The following MFSD6 variants were observed in gnomAD, a reference collection of about 807,000 sequenced individuals.
The protein encoded by MFSD6 is major facilitator superfamily domain containing 6.
In MFSD6, 26 loss-of-function variants were observed where a neutral mutation model predicts 56.3. The ratio of observed to expected loss-of-function variants is 0.46; its 90% CI spans 0.34 to 0.64. The LOEUF (loss-of-function observed/expected upper bound fraction) is 0.64. MFSD6 is among the 30% of genes least tolerant of loss of function. The pLI is 0.01. For synonymous variants in MFSD6, 331 were observed against 366.9 expected (o/e 0.90, Z 1.12); for missense variants, 750 against 986.2 (o/e 0.76, Z 3.21).
intron 4 of MFSD6, among the ~76,000 whole-genome samples, chr2:190,470,078 C>G (rs1053766699): frequency 2.0e-5 from 3 of 152,184 alleles, no homozygotes; most frequent in Non-Finnish European, 4.4e-5. Flanking sequence ...TTGATCCACA[C>G]CCTTGTGATT....
At chr2:190,427,753 CAG>C (rs1393632913) in intron 2 of MFSD6, among the ~76,000 whole-genome samples, 12 of 149,992 alleles carry the variant, frequency 8.0e-5, no homozygotes, top group African/African-American at 2.9e-4. Flanking sequence ...TTTTTTGAGA[CAG>C]AGTTTCACTC....
In MFSD6 at chr2:190,490,265, A is replaced by T. The variant is rs1689260580; in HGVS notation, c.1891+399A>T. 1.2e-5 allele frequency among the ~76,000 whole-genome samples: 1 copy of T among 84,072 alleles called. No homozygotes were observed. The highest frequency in any genetic ancestry group is 3.3e-5 in the Non-Finnish European group (1 of 30,478). 55.2% of individuals were successfully genotyped at this position (84,072 alleles called of 152,430 possible). A position where few individuals can be genotyped will look rare whatever the true frequency, so the allele number is the denominator to read the frequency against. On this transcript the variant is annotated intron_variant, in intron 6 of 7. Transcript: ENST00000392328. The surrounding 1 kb of genome is among the most constrained non-coding windows in gnomAD (Gnocchi z 4.5). ...CTCTATGACTTACCTTCATTTGTTA[A>T]AAAAAAAAAAAACAATGGCCGGGTG...
At position 190,471,419 on chromosome 2, in the gene MFSD6, G is replaced by A. The variant is rs919279145; in HGVS notation, c.1630+1564G>A. On this transcript the variant is annotated intron_variant, in intron 4 of 7. Transcript: ENST00000392328. This position sits in a 1 kb window ranked among gnomAD's most constrained non-coding sequence, Gnocchi z 4.7. Reference sequence around the variant, plus strand: ...ATACTGTGCTTTTCCAACAGTCTTAGCAAACGGCACACTAGGAGATTATAT... The same window carrying A: ...ATACTGTGCTTTTCCAACAGTCTTAACAAACGGCACACTAGGAGATTATAT... Among the ~76,000 whole-genome samples the A allele has an allele frequency of 2.6e-5, 4 of 152,192 alleles. No homozygotes were observed. The highest frequency in any genetic ancestry group is 2.4e-5 in the African/African-American group (1 of 41,432).
intron 4 of MFSD6, chr2:190,477,369 A>G (rs1176000924): frequency 1.0e-6 from 1 of 982,876 alleles, no homozygotes; most frequent in African/African-American, 1.7e-5. Context: ...AGACTCTATA[A>G]ATAAAGATTT....
chr2:190,473,823 C>A (rs1688106904), intron 4 of MFSD6, among the ~76,000 whole-genome samples: 1 of 152,198 alleles, frequency 6.6e-6, no homozygotes, highest in Non-Finnish European at 1.5e-5. Context: ...AAGTAAAGCA[C>A]TCCTCAGCAA....
rs1294190152 is a variant in MFSD6 at position 190,423,238 on chromosome 2, C to T, written c.-54+7825C>T. Among the ~76,000 whole-genome samples, 2 of 152,174 alleles carry T rather than the reference C, an allele frequency of 1.3e-5. No homozygotes were observed. Among genetic ancestry groups the T allele is most frequent in the African/African-American group, 4.8e-5 (2 of 41,434 alleles). ...AGATACAGAACATTTCTCTCTGTCG[C>T]CACCAAGGTCCCTCATGTTGCCCTT... On this transcript the variant is annotated intron_variant, in intron 2 of 7. Transcript: ENST00000392328. This position sits in a 1 kb window ranked among gnomAD's most constrained non-coding sequence, Gnocchi z 4.3.
Position 190,501,757 on chromosome 2 carries a change from C to T in MFSD6, c.*1539C>T, listed in dbSNP as rs1194690373. 6.6e-6 allele frequency: 1 copy of T among 152,576 alleles called. No homozygotes were observed. The highest frequency in any genetic ancestry group is 2.4e-5 in the African/African-American group (1 of 41,434). 9.5% of individuals were successfully genotyped at this position (152,576 alleles called of 1,614,324 possible). ...AAAACACAGCTTAAAAATAAAATAA[C>T]TGAAAGAAATAGAATTCAGCAAATA... On this transcript the variant is annotated 3_prime_UTR_variant, in exon 8 of 8. Transcript: ENST00000392328.
At position 190,437,344 on chromosome 2, in the gene MFSD6, A is replaced by G. The variant is rs779266464; in HGVS notation, c.1315A>G (p.Ile439Val). ...GCAGGCCTTCAACTTTTGGGACTTA[A>G]TCAAGCTGCTCTGCAGCGTGCAGTA... Reference protein sequence around the residue: ...HSQAFNFWDLIKLLCSVQYGS... With the variant: ...HSQAFNFWDLVKLLCSVQYGS... Residue 439 changes from isoleucine to valine, a missense_variant, in exon 3 of 8, where the codon ATC (isoleucine) becomes GTC (valine). Around this residue, in one of 5 missense-constraint regions of MFSD6, gnomAD observed 376 missense variants for 437.9 expected, o/e 0.86. Transcript: ENST00000392328. This position sits in a 1 kb window ranked among gnomAD's most constrained non-coding sequence, Gnocchi z 5.9. The G allele has an allele frequency of 3.7e-6, 6 of 1,614,258 alleles. No individual in the cohort carries two copies. The South Asian group carries it at 6.6e-5, about 18-fold the overall frequency.
At chr2:190,430,059 A>G (rs1347402228) in intron 2 of MFSD6, among the ~76,000 whole-genome samples, 1 of 140,340 alleles carries the variant, frequency 7.1e-6, no homozygotes, top group South Asian at 2.2e-4. Context: ...AAGTGTTCTC[A>G]TTGTTCAATT....
At chr2:190,429,606 C>T (rs114240750) in intron 2 of MFSD6, among the ~76,000 whole-genome samples, 139 of 152,268 alleles carry the variant, frequency 9.1e-4, no homozygotes, top group African/African-American at 3.2e-3. Context: ...TGAGCTACTG[C>T]ACCTAGCCAG....
chr2:190,414,645 A>G (rs1690702595), intron 1 of MFSD6, among the ~76,000 whole-genome samples: 1 of 152,232 alleles, frequency 6.6e-6, no homozygotes, highest in Non-Finnish European at 1.5e-5. Context: ...TAATAACTCT[A>G]TAATTTTTCA....
chr2:190,500,357 A>C lies in MFSD6; in HGVS notation c.*139A>C. On this transcript the variant is annotated 3_prime_UTR_variant, in exon 8 of 8. Coordinates refer to ENST00000392328, the MANE Select transcript of MFSD6 (RefSeq NM_017694.4). This position sits in a 1 kb window ranked among gnomAD's most constrained non-coding sequence, Gnocchi z 5.3. ...CTTCTAAATATCTAAACTCATTAAC[A>C]TGGAAACACACACACAGGAGCTACA... 1 of 832,026 alleles carries C rather than the reference A, an allele frequency of 1.2e-6. No individual in the cohort carries two copies. Among genetic ancestry groups the C allele is most frequent in the Non-Finnish European group, 1.9e-6 (1 of 539,496 alleles). 51.5% of individuals were successfully genotyped at this position (832,026 alleles called of 1,614,324 possible).
In MFSD6 at chr2:190,456,982, T is replaced by A. The variant is rs1687072834; in HGVS notation, c.1533-12776T>A. Among the ~76,000 whole-genome samples the A allele has an allele frequency of 6.6e-6, 1 of 152,170 alleles. No homozygotes were observed. The highest frequency in any genetic ancestry group is 6.5e-5 in the Admixed American group (1 of 15,274). On this transcript the variant is annotated intron_variant, in intron 3 of 7. Coordinates refer to ENST00000392328, the MANE Select transcript of MFSD6 (RefSeq NM_017694.4). The surrounding 1 kb of genome is among the most constrained non-coding windows in gnomAD (Gnocchi z 5.4). ...TCAAAGTTTAAAATGTCAACCGTCTTCTGATGCCAACATAAACGTTCATCC... is the reference window on the plus strand; with the variant it reads ...TCAAAGTTTAAAATGTCAACCGTCTACTGATGCCAACATAAACGTTCATCC...
chr2:190,437,525 T>C lies in MFSD6; in HGVS notation c.1496T>C (p.Phe499Ser). 6.2e-7 allele frequency: 1 copy of C among 1,614,142 alleles called. No homozygotes were observed. Among genetic ancestry groups the C allele is most frequent in the Non-Finnish European group, 8.5e-7 (1 of 1,179,978 alleles). The part of the protein sequence containing the change: ...SHVSELTAYF[F>S]SHKLIELIGH... ...GTGTCTGAGCTGACAGCATATTTTT[T>C]TAGTCACAAGCTTATTGAATTGATC... The change falls in exon 3 of 8, where the codon TTT becomes TCT. Residue 499 changes from phenylalanine (F) to serine (S), a missense_variant. Phe to Ser is a radical substitution (Grantham distance 155). Around this residue, in one of 5 missense-constraint regions of MFSD6, gnomAD observed 125 missense variants for 223.1 expected, o/e 0.56. Transcript: ENST00000392328. This position sits in a 1 kb window ranked among gnomAD's most constrained non-coding sequence, Gnocchi z 5.9.
At chr2:190,421,254 G>A (rs1276019535) in intron 2 of MFSD6, among the ~76,000 whole-genome samples, 1 of 152,188 alleles carries the variant, frequency 6.6e-6, no homozygotes, top group African/African-American at 2.4e-5. Context: ...AGATTCAGCA[G>A]ATGATTTATG....
rs13383692 is a variant in MFSD6, at chr2:190,498,728, A to G, written c.2172+1009A>G. On this transcript the variant is annotated intron_variant, in intron 7 of 7. Transcript: ENST00000392328. This position sits in a 1 kb window ranked among gnomAD's most constrained non-coding sequence, Gnocchi z 5.9. ...AAAGCAAGAAGACTAAACAGGAGAA[A>G]GGATGATTTTAATATCTGCTGCTTG... Among the ~76,000 whole-genome samples, 289 of 152,360 alleles carry G rather than the reference A, an allele frequency of 1.9e-3. 1 individual carries two copies. The highest frequency in any genetic ancestry group is 4.1e-3 in the African/African-American group (172 of 41,588).
chr2:190,490,237 C>A lies in MFSD6; in HGVS notation c.1891+371C>A, dbSNP rs62181034. Among the ~76,000 whole-genome samples the A allele has an allele frequency of 0.17, 25,871 of 150,624 alleles. 2,362 individuals carry two copies. Among genetic ancestry groups the A allele is most frequent in the East Asian group, 0.3 (1,559 of 5,132 alleles). On this transcript the variant is annotated intron_variant, in intron 6 of 7. Transcript: ENST00000392328. This position sits in a 1 kb window ranked among gnomAD's most constrained non-coding sequence, Gnocchi z 4.5. ...CTAGGGATAGGGAGTGAGTGGTAATCTTCTCTATGACTTACCTTCATTTGT... is the reference window on the plus strand; with the variant it reads ...CTAGGGATAGGGAGTGAGTGGTAATATTCTCTATGACTTACCTTCATTTGT...
rs1310383466 is a variant in MFSD6, at chr2:190,457,110, T to C, written c.1533-12648T>C. ...TATGGTCCAATCCAGAGGTATTTCC[T>C]CAAGCCCTTGTCTAGGTTTGATTTC... On this transcript the variant is annotated intron_variant, in intron 3 of 7. Coordinates refer to ENST00000392328, the MANE Select transcript of MFSD6 (RefSeq NM_017694.4). The surrounding 1 kb of genome is among the most constrained non-coding windows in gnomAD (Gnocchi z 5.1). Among the ~76,000 whole-genome samples the C allele has an allele frequency of 6.6e-6, 1 of 152,220 alleles. No individual in the cohort carries two copies. Among genetic ancestry groups the C allele is most frequent in the Non-Finnish European group, 1.5e-5 (1 of 68,048 alleles).
At chr2:190,448,072 A>C (rs1044231031) in intron 3 of MFSD6, among the ~76,000 whole-genome samples, 1 of 152,068 alleles carries the variant, frequency 6.6e-6, no homozygotes, top group Non-Finnish European at 1.5e-5. Flanking sequence ...GTACTTGCTG[A>C]GTTAAAGAGA....
Sources: allele counts gnomAD v4.1 joint callset (sites outside exome capture counted in the v4.1 genomes callset), GRCh38; gene constraint gnomAD v4.1.1; regional missense constraint gnomAD v4.1.1; non-coding constraint Gnocchi (gnomAD v3.1); transcripts MANE v1.5; gene names NCBI Gene and HGNC (gene_info 2026-07-23, HGNC 2026-07-21).